The following DAP3 variants were observed in gnomAD, a reference collection of about 807,000 sequenced individuals.
The protein encoded by DAP3 is small ribosomal subunit protein mS29.
In DAP3, 28 loss-of-function variants were observed where a neutral mutation model predicts 51.9. The observed-to-expected ratio is 0.54, with a 90% CI of 0.40 to 0.74. The LOEUF (loss-of-function observed/expected upper bound fraction) is 0.74, where lower values mean the gene tolerates loss of function less well. Ranked by LOEUF, DAP3 falls within the 30% of genes least tolerant of loss-of-function variation. The pLI, the probability that DAP3 is intolerant of heterozygous loss-of-function variation, is 0.00. For synonymous variants in DAP3, 170 were observed against 170.3 expected (o/e 1.00, Z 0.01); for missense variants, 458 against 483.5 (o/e 0.95, Z 0.49).
rs544468938 is a variant in DAP3 at position 155,718,111 on chromosome 1, C to T, written c.168+983C>T. On this transcript the variant is annotated intron_variant, in intron 3 of 12. Coordinates refer to ENST00000368336, the MANE Select transcript of DAP3 (RefSeq NM_004632.4). ...AATATATCTCTAGGCTTCGGCCATG[C>T]GGGGTGGCTCACGACTGTCATCCTA... 3.0e-4 allele frequency among the ~76,000 whole-genome samples: 45 copies of T among 152,246 alleles called. No individual in the cohort carries two copies. In the East Asian group the frequency reaches 7.3e-3, roughly 25 times the overall value.
At chr1:155,736,871 G>A (rs775264886) in intron 11 of DAP3, 75 bp from the exon 12 acceptor site, 15 of 1,183,728 alleles carry the variant, frequency 1.3e-5, no homozygotes, top group Non-Finnish European at 1.9e-5. Context: ...TACCTTCAAA[G>A]TGCTTAAGTA....
At chr1:155,699,718 A>G (rs1054086281) in intron 1 of DAP3, among the ~76,000 whole-genome samples, 1 of 151,796 alleles carries the variant, frequency 6.6e-6, no homozygotes, top group Non-Finnish European at 1.5e-5. Context: ...GGCCCAGGTG[A>G]TCCTCCCACT....
chr1:155,726,014 C>G lies in DAP3; in HGVS notation c.467C>G (p.Pro156Arg), dbSNP rs953049679. The G allele has an allele frequency of 6.2e-7, 1 of 1,613,402 alleles. No homozygotes were observed. The highest frequency in any genetic ancestry group is 1.1e-5 in the South Asian group (1 of 91,042). The change falls in exon 6 of 13, where the codon CCA becomes CGA. Residue 156 changes from proline (P) to arginine (R), a missense_variant. Coordinates refer to ENST00000368336, the MANE Select transcript of DAP3 (RefSeq NM_004632.4). Reference protein sequence around the residue: ...AKQDWLILHIPDAHLWVKNCR... With the variant: ...AKQDWLILHIRDAHLWVKNCR... The stretch of plus-strand genomic sequence containing the variant: ...CAGGACTGGCTGATACTACATATTC[C>G]AGATGGTAAGAACTTCCTGTTGTTT...
intron 1 of DAP3, among the ~76,000 whole-genome samples, chr1:155,701,314 T>A (rs1180839646): frequency 1.1e-5 from 1 of 89,998 alleles, no homozygotes; most frequent in Non-Finnish European, 2.0e-5. Context: ...ATGGGAGACT[T>A]TTCATTTTGT....
intron 1 of DAP3, among the ~76,000 whole-genome samples, chr1:155,692,262 T>A (rs1184148028): frequency 7.1e-6 from 1 of 141,706 alleles, no homozygotes; most frequent in Non-Finnish European, 1.5e-5. Context: ...GGGAACATAA[T>A]GGCGATAAGA....
intron 1 of DAP3, among the ~76,000 whole-genome samples, chr1:155,689,928 C>T (rs1051441844): frequency 7.1e-6 from 1 of 141,250 alleles, no homozygotes; most frequent in African/African-American, 2.6e-5. Context: ...CACACACACA[C>T]GAAATAATAA....
At chr1:155,707,859 T>G (rs2149140650) in intron 1 of DAP3, among the ~76,000 whole-genome samples, 2 of 152,352 alleles carry the variant, frequency 1.3e-5, no homozygotes, top group East Asian at 1.9e-4. Context: ...TATTCATTTT[T>G]GAGATCCATG....
intron 1 of DAP3, among the ~76,000 whole-genome samples, chr1:155,692,335 C>A (rs1444355386): frequency 7.1e-6 from 1 of 141,668 alleles, no homozygotes; most frequent in African/African-American, 3.2e-5. Flanking sequence ...GTTTTTATGG[C>A]CAGTTTATGC....
chr1:155,723,492 C>A (rs977551347), intron 4 of DAP3, among the ~76,000 whole-genome samples: 2 of 152,064 alleles, frequency 1.3e-5, no homozygotes, highest in Non-Finnish European at 2.9e-5. Context: ...CCACGCCTGG[C>A]TAATTTTTAT....
chr1:155,689,907 T>TCACACA (rs3041216), intron 1 of DAP3, among the ~76,000 whole-genome samples: 11 of 142,354 alleles, frequency 7.7e-5, no homozygotes, highest in Admixed American at 7.4e-4. Flanking sequence ...CGAGACTCCG[T>TCACACA]CACACACACA....
In DAP3 at chr1:155,732,030, A is replaced by G; in HGVS notation, c.990A>G (p.Gly330=). ...RKAYLPQELL[G]KEGFDALDPF... ...CCTATCTGCCCCAGGAGTTGCTGGG[A>G]AAGGTCAAGTCAAAGGAAAATTTGT... The change falls in exon 11 of 13, where the codon GGA becomes GGG. Residue 330 remains glycine, a synonymous_variant. Coordinates refer to ENST00000368336, the MANE Select transcript of DAP3 (RefSeq NM_004632.4). 6.2e-7 allele frequency: 1 copy of G among 1,609,514 alleles called. No homozygotes were observed. The highest frequency in any genetic ancestry group is 8.5e-7 in the Non-Finnish European group (1 of 1,177,684).
chr1:155,712,919 C>T (rs1379622709), intron 2 of DAP3, among the ~76,000 whole-genome samples: 2 of 152,070 alleles, frequency 1.3e-5, no homozygotes, highest in Admixed American at 6.6e-5. Flanking sequence ...AATTGAGTAG[C>T]GTTTAAGTAG....
intron 11 of DAP3, among the ~76,000 whole-genome samples, chr1:155,732,521 G>T (rs1659351316): frequency 6.6e-6 from 1 of 152,098 alleles, no homozygotes; most frequent in Admixed American, 6.6e-5. Context: ...GTGAGCCACG[G>T]CGCCTGGCCT....
intron 1 of DAP3, among the ~76,000 whole-genome samples, chr1:155,701,620 T>C (rs1655285343): frequency 7.6e-6 from 1 of 132,408 alleles, no homozygotes; most frequent in South Asian, 2.6e-4. Context: ...CCCTCCACTA[T>C]TGTCCCATGA....
intron 1 of DAP3, chr1:155,689,536 C>G: frequency 7.5e-6 from 3 of 401,772 alleles, no homozygotes; most frequent in South Asian, 5.4e-5. Flanking sequence ...TTGTCTTCAG[C>G]AAGTTATTTT....
At chr1:155,730,220 T>A (rs1659088334) in intron 9 of DAP3, among the ~76,000 whole-genome samples, 1 of 148,482 alleles carries the variant, frequency 6.7e-6, no homozygotes, top group African/African-American at 2.5e-5. Context: ...GTATATATAA[T>A]ATTCATATAT....
chr1:155,707,159 A>T (rs935330862), intron 1 of DAP3, among the ~76,000 whole-genome samples: 5 of 152,048 alleles, frequency 3.3e-5, no homozygotes, highest in Non-Finnish European at 5.9e-5. Context: ...CACGCCTGTA[A>T]TCCCAGCACT....
intron 1 of DAP3, among the ~76,000 whole-genome samples, chr1:155,703,904 T>TC (rs1655637601): frequency 6.6e-6 from 1 of 152,176 alleles, no homozygotes; most frequent in African/African-American, 2.4e-5. Context: ...TCTCAGCACT[T>TC]TGCGAGGCTA....
intron 1 of DAP3, among the ~76,000 whole-genome samples, chr1:155,693,252 G>T (rs910946983): frequency 1.4e-5 from 2 of 141,610 alleles, no homozygotes; most frequent in African/African-American, 3.2e-5. Flanking sequence ...CAATATTTCC[G>T]ACCATCAACA....
Sources: gnomAD v4.1 joint callset for allele counts (sites outside exome capture counted in the v4.1 genomes callset) on GRCh38, gnomAD v4.1.1 for gene constraint, MANE v1.5 for transcripts, NCBI Gene and HGNC (gene_info 2026-07-23, HGNC 2026-07-21) for gene names.